Variants in AKAP6 observed in about 807,000 individuals in gnomAD.
AKAP6 encodes A-kinase anchor protein 6.
Under a neutral mutation model 188.5 loss-of-function variants are expected in AKAP6, and 58 were observed. The ratio of observed to expected loss-of-function variants is 0.31; its 90% confidence interval spans 0.25 to 0.38. The LOEUF (loss-of-function observed/expected upper bound fraction) is 0.38. AKAP6 is among the 10% of genes least tolerant of loss of function. The pLI is 1.00. For synonymous variants in AKAP6, 989 were observed against 998.6 expected (o/e 0.99, Z 0.18); for missense variants, 2,710 against 2,740.0 (o/e 0.99, Z 0.24).
intron 2 of AKAP6, among the ~76,000 whole-genome samples, chr14:32,511,365 C>T (rs1881250763): frequency 7.3e-6 from 1 of 136,976 alleles, no homozygotes. Flanking sequence ...CTACTGCTAC[C>T]TTCTTGGTTT....
chr14:32,823,117 G>A lies in AKAP6; in HGVS notation c.5304G>A (p.Leu1768=), dbSNP rs759350612. The change falls in exon 13 of 14, where the codon CTG becomes CTA. Residue 1768 remains leucine (L), a synonymous_variant. Coordinates refer to ENST00000280979, the MANE Select transcript of AKAP6 (RefSeq NM_004274.5). The part of the protein sequence containing the change: ...SSTLTLTEEE[L]CIKDEDDDSS... ...CCCTTACCTTGACTGAAGAAGAGCTGTGCATCAAAGATGAGGATGACGACT... is the reference window on the plus strand; with the variant it reads ...CCCTTACCTTGACTGAAGAAGAGCTATGCATCAAAGATGAGGATGACGACT... 79 of 1,613,778 alleles carry A rather than the reference G, an allele frequency of 4.9e-5. No homozygotes were observed. The East Asian group carries it at 1.7e-3, about 35-fold the overall frequency.
At chr14:32,779,119 G>C (rs2033159036) in intron 12 of AKAP6, among the ~76,000 whole-genome samples, 1 of 152,024 alleles carries the variant, frequency 6.6e-6, no homozygotes, top group Non-Finnish European at 1.5e-5. Context: ...ATTTAGGCCA[G>C]ATGTGGTGGC....
intron 9 of AKAP6, among the ~76,000 whole-genome samples, chr14:32,723,094 G>T (rs990644717): frequency 6.6e-6 from 1 of 152,114 alleles, no homozygotes; most frequent in Non-Finnish European, 1.5e-5. Flanking sequence ...CCTGCAAGGG[G>T]TTTAACTGCA....
intron 7 of AKAP6, among the ~76,000 whole-genome samples, chr14:32,637,166 C>T (rs1887532070): frequency 6.6e-6 from 1 of 152,088 alleles, no homozygotes; most frequent in Non-Finnish European, 1.5e-5. Context: ...CACCACTTAA[C>T]ATAGGGCCTA....
chr14:32,823,800 G>A lies in AKAP6; in HGVS notation c.5987G>A (p.Arg1996Lys), dbSNP rs778949855. Residue 1996 changes from arginine (R) to lysine (K), a missense_variant, in exon 13 of 14, where the codon AGA (arginine) becomes AAA (lysine). Coordinates refer to ENST00000280979, the MANE Select transcript of AKAP6 (RefSeq NM_004274.5). The stretch of plus-strand genomic sequence containing the variant: ...GCTTTAGAAACCAGGTTTAACAACA[G>A]ACAAGACTCTGATGCACTGAAATCA... ...ELALETRFNN[R>K]QDSDALKSSD... The A allele has an allele frequency of 6.2e-6, 10 of 1,613,560 alleles. No individual in the cohort carries two copies. Among genetic ancestry groups the A allele is most frequent in the Admixed American group, 5.0e-5 (3 of 59,960 alleles).
chr14:32,824,185 G>C lies in AKAP6; in HGVS notation c.6372G>C (p.Glu2124Asp), dbSNP rs201994270. ...SLSSHDSDCG[E>D]VTNYIEEKSS... ...CATCTCATGACAGTGATTGTGGGGA[G>C]GTCACCAATTACATAGAAGAGAAAA... is the stretch of plus-strand genomic sequence containing the variant. The change falls in exon 13 of 14, where the codon GAG (glutamate) becomes GAC (aspartate). Residue 2124 changes from glutamate (E) to aspartate (D), a missense_variant. Glu to Asp is a conservative substitution (Grantham distance 45, BLOSUM62 2). Transcript: ENST00000280979. 7.4e-6 allele frequency: 12 copies of C among 1,613,870 alleles called. No individual in the cohort carries two copies. The highest frequency in any genetic ancestry group is 1.7e-4 in the Middle Eastern group (1 of 6,058).
chr14:32,341,606 G>A (rs542933452), intron 1 of AKAP6, among the ~76,000 whole-genome samples: 2 of 152,300 alleles, frequency 1.3e-5, no homozygotes, highest in African/African-American at 4.8e-5. Flanking sequence ...GTGACCATGG[G>A]CAAGTTGCTG....
intron 2 of AKAP6, among the ~76,000 whole-genome samples, chr14:32,434,429 C>G (rs373288632): frequency 6.6e-6 from 1 of 152,276 alleles, no homozygotes; most frequent in South Asian, 2.1e-4. Context: ...AATGGAGTTG[C>G]TAGTAAAGAG....
intron 2 of AKAP6, among the ~76,000 whole-genome samples, chr14:32,455,549 A>AATACTGT (rs1227711624): frequency 1.3e-5 from 2 of 152,204 alleles, no homozygotes; most frequent in Admixed American, 6.5e-5. Context: ...TATCCATTGG[A>AATACTGT]ATACTGTCTC....
chr14:32,395,683 A>T (rs1365289460), intron 1 of AKAP6, among the ~76,000 whole-genome samples: 2 of 152,216 alleles, frequency 1.3e-5, no homozygotes. Flanking sequence ...TCTAAGGATT[A>T]TCTAAAAACT....
chr14:32,508,869 A>C (rs1326461433), intron 2 of AKAP6, among the ~76,000 whole-genome samples: 1 of 151,224 alleles, frequency 6.6e-6, no homozygotes, highest in Non-Finnish European at 1.5e-5. Flanking sequence ...CTCTGTTGCC[A>C]GGCTGGAGTG....
At chr14:32,606,323 C>T (rs562242682) in intron 7 of AKAP6, among the ~76,000 whole-genome samples, 2 of 152,124 alleles carry the variant, frequency 1.3e-5, no homozygotes, top group Admixed American at 6.6e-5. Context: ...ACAAAAGCTA[C>T]ATTTTTTTGA....
intron 1 of AKAP6, among the ~76,000 whole-genome samples, chr14:32,344,915 TAAAAAAAAA>T (rs11297648): frequency 9.5e-6 from 1 of 105,464 alleles, no homozygotes; most frequent in Non-Finnish European, 1.9e-5. Flanking sequence ...GACTCTGTCT[TAAAAAAAAA>T]AAAAAAAAAA....
intron 11 of AKAP6, among the ~76,000 whole-genome samples, chr14:32,745,982 C>A (rs901108956): frequency 3.7e-4 from 57 of 152,194 alleles, no homozygotes; most frequent in African/African-American, 1.4e-3. Flanking sequence ...GCCAGACTAC[C>A]ACCGATGTTC....
intron 11 of AKAP6, among the ~76,000 whole-genome samples, chr14:32,736,238 T>G (rs559872240): frequency 1.3e-5 from 2 of 152,252 alleles, no homozygotes; most frequent in East Asian, 3.9e-4. Context: ...ATAAAAATAC[T>G]TACACAAATT....
chr14:32,769,879 A>G lies in AKAP6; in HGVS notation c.3373-3799A>G, dbSNP rs543212987. On this transcript the variant is annotated intron_variant, in intron 11 of 13. Transcript: ENST00000280979. ...TATATCCTTTTATAAACTATATGACATTCAATGTCAAGTATGTGTATACAA... is the reference window on the plus strand; with the variant it reads ...TATATCCTTTTATAAACTATATGACGTTCAATGTCAAGTATGTGTATACAA... Among the ~76,000 whole-genome samples, 12 of 152,242 alleles carry G rather than the reference A, an allele frequency of 7.9e-5. No individual in the cohort carries two copies. The South Asian group carries it at 2.3e-3, about 29-fold the overall frequency.
intron 1 of AKAP6, among the ~76,000 whole-genome samples, chr14:32,354,345 G>A (rs560791728): frequency 6.6e-6 from 1 of 151,736 alleles, no homozygotes; most frequent in African/African-American, 2.4e-5. Flanking sequence ...CCTGTTCCCT[G>A]CTCTGCCACT....
chr14:32,349,757 C>T (rs1193450216), intron 1 of AKAP6, among the ~76,000 whole-genome samples: 1 of 152,164 alleles, frequency 6.6e-6, no homozygotes, highest in Non-Finnish European at 1.5e-5. Flanking sequence ...TGGTGCTATA[C>T]ACCATTCATC....
chr14:32,696,375 C>T (rs536969540), intron 9 of AKAP6, among the ~76,000 whole-genome samples: 13 of 152,184 alleles, frequency 8.5e-5, no homozygotes, highest in African/African-American at 3.1e-4. Flanking sequence ...AGATGAATAG[C>T]AATAAATGAA....
Sources: allele counts gnomAD v4.1 joint callset (sites outside exome capture counted in the v4.1 genomes callset), GRCh38; gene constraint gnomAD v4.1.1; transcripts MANE v1.5; gene names NCBI Gene and HGNC (gene_info 2026-07-23, HGNC 2026-07-21).